The following UGGT2 variants were observed in gnomAD, a reference collection of about 807,000 sequenced individuals.
UGGT2 encodes UDP-glucose:glycoprotein glucosyltransferase 2.
UGGT2 carries 180 observed loss-of-function variants against 192.1 expected under a neutral mutation model. The ratio of observed to expected loss-of-function variants is 0.94; its 90% confidence interval spans 0.83 to 1.06. The LOEUF is 1.06. Among genes scored for constraint, UGGT2 ranks in the 50% least tolerant of loss-of-function variants. The pLI is 0.00. For missense variants in UGGT2, 1,849 were observed against 1,795.7 expected (o/e 1.03, Z -0.54); for synonymous variants, 580 against 591.0 (o/e 0.98, Z 0.27).
At chr13:95,928,641 G>T (rs1421048924) in intron 17 of UGGT2, among the ~76,000 whole-genome samples, 1 of 152,084 alleles carries the variant, frequency 6.6e-6, no homozygotes, top group East Asian at 1.9e-4. Context: ...AAGGTGGGTA[G>T]CCGGGCAGAG....
Position 95,853,617 on chromosome 13 carries a change from C to T in UGGT2, c.4210G>A (p.Gly1404Arg), listed in dbSNP as rs143548603. The T allele has an allele frequency of 1.7e-5, 27 of 1,592,008 alleles. No homozygotes were observed. Among genetic ancestry groups the T allele is most frequent in the Non-Finnish European group, 2.1e-5 (25 of 1,173,858 alleles). Residue 1404 changes from glycine to arginine, a missense_variant, in exon 36 of 39, where the codon GGA becomes AGA. Coordinates refer to ENST00000376747, the MANE Select transcript of UGGT2 (RefSeq NM_020121.4). Reference sequence around the variant, plus strand: ...TGGCTCCTGAGCCTGTCACCTGCTCCAATTCTCCTGAACTTCTTGAGATCC... The same window carrying T: ...TGGCTCCTGAGCCTGTCACCTGCTCTAATTCTCCTGAACTTCTTGAGATCC... ...VVDLKKFRRI[G>R]AGDRLRSQYQ...
Position 95,837,167 on chromosome 13 carries a change from A to G in UGGT2, c.4320T>C (p.Ile1440=). The change falls in exon 37 of 39, where the codon ATT becomes ATC. Residue 1440 remains isoleucine, a synonymous_variant. Coordinates refer to ENST00000376747, the MANE Select transcript of UGGT2 (RefSeq NM_020121.4). The stretch of plus-strand genomic sequence containing the variant: ...ACAGCCAGTCTTGAGGAAGAGACTT[A>G]ATGGCGACTTGGTAAATCATATTAT... ...LPNNMIYQVA[I]KSLPQDWLWC... The G allele has an allele frequency of 6.2e-7, 1 of 1,614,016 alleles. No homozygotes were observed. Among genetic ancestry groups the G allele is most frequent in the Non-Finnish European group, 8.5e-7 (1 of 1,179,936 alleles).
chr13:95,966,957 C>A (rs61972945), intron 12 of UGGT2, among the ~76,000 whole-genome samples: 3,472 of 152,164 alleles, frequency 0.023, 57 homozygotes, highest in Non-Finnish European at 0.034. Context: ...GTCAATAATA[C>A]TCGATTGTGT....
At chr13:96,038,863 T>C (rs1797841223) in intron 1 of UGGT2, among the ~76,000 whole-genome samples, 1 of 152,150 alleles carries the variant, frequency 6.6e-6, no homozygotes, top group Non-Finnish European at 1.5e-5. Context: ...GTAAATATCG[T>C]CAACTTCATT....
chr13:96,025,426 A>G (rs142838339), intron 2 of UGGT2, among the ~76,000 whole-genome samples: 90 of 152,312 alleles, frequency 5.9e-4, no homozygotes, highest in African/African-American at 2.0e-3. Flanking sequence ...GCCAAGGGAA[A>G]TAAGTTCAAA....
Position 96,053,138 on chromosome 13 carries a change from G to A in UGGT2, c.158+17C>T, listed in dbSNP as rs560906917. 5 of 1,485,790 alleles carry A rather than the reference G, an allele frequency of 3.4e-6. No homozygotes were observed. The Admixed American group carries it at 6.5e-5, about 19-fold the overall frequency. The allele number at this position is 1,485,790 out of a possible 1,614,324, so 92.0% of individuals were successfully genotyped here. On this transcript the variant is annotated intron_variant, in intron 1 of 38. Transcript: ENST00000376747. The stretch of plus-strand genomic sequence containing the variant: ...CGCGCCCACACCCGCCCGGACGAGG[G>A]CCCGGCCCGCACCCACCTTGCCTCC...
chr13:95,854,283 T>A (rs1218873378), intron 35 of UGGT2, 32 bp downstream of exon 35: 2 of 1,578,666 alleles, frequency 1.3e-6, no homozygotes, highest in Non-Finnish European at 1.7e-6. Context: ...CATTACTTAT[T>A]TACTAAATGG....
At chr13:95,809,015 C>A (rs1452403281) in intron 38 of UGGT2, among the ~76,000 whole-genome samples, 1 of 152,130 alleles carries the variant, frequency 6.6e-6, no homozygotes, top group African/African-American at 2.4e-5. Flanking sequence ...TAAAAACTAA[C>A]CCCCCATCTA....
chr13:95,873,415 G>C lies in UGGT2; in HGVS notation c.3473+3864C>G, dbSNP rs371802521. On this transcript the variant is annotated intron_variant, in intron 29 of 38. Transcript: ENST00000376747. ...GGGAATGACACAGCAAGGTAGCATA[G>C]GTTGCTGCATAGGCATTAGAACATA... Among the ~76,000 whole-genome samples the C allele has an allele frequency of 3.3e-5, 5 of 152,208 alleles. No homozygotes were observed. In the East Asian group the frequency reaches 9.6e-4, roughly 29 times the overall value.
chr13:95,986,706 C>T (rs1297794232), intron 8 of UGGT2, among the ~76,000 whole-genome samples: 1 of 151,972 alleles, frequency 6.6e-6, no homozygotes, highest in African/African-American at 2.4e-5. Flanking sequence ...AAGAAATGCT[C>T]TCGCAAAGCT....
chr13:95,888,045 A>G (rs988746714), intron 25 of UGGT2, 74 bp from the exon 26 acceptor site: 9 of 1,002,882 alleles, frequency 9.0e-6, no homozygotes, highest in Non-Finnish European at 1.3e-5. Context: ...TTTACTATGT[A>G]CCAGGTACTA....
intron 28 of UGGT2, 133 bp from the exon 29 acceptor site, chr13:95,877,497 T>C: frequency 1.0e-6 from 1 of 970,932 alleles, no homozygotes; most frequent in Non-Finnish European, 1.5e-6. Flanking sequence ...CAATTCCAAG[T>C]AAAGAGATTT....
chr13:95,902,744 C>T (rs946282216), intron 21 of UGGT2, 110 bp downstream of exon 21: 4 of 1,063,734 alleles, frequency 3.8e-6, no homozygotes, highest in South Asian at 1.6e-5. Flanking sequence ...TGTTTATTAT[C>T]TTCATTTGTT....
intron 4 of UGGT2, among the ~76,000 whole-genome samples, chr13:96,014,232 A>C (rs141276058): frequency 1.9e-3 from 293 of 152,342 alleles, no homozygotes; most frequent in Non-Finnish European, 1.8e-3. Flanking sequence ...CAGAGTAACA[A>C]GGATGTTGAG....
At chr13:95,968,256 A>T (rs1371618987) in intron 12 of UGGT2, among the ~76,000 whole-genome samples, 1 of 152,180 alleles carries the variant, frequency 6.6e-6, no homozygotes, top group African/African-American at 2.4e-5. Flanking sequence ...AAGAGAAAAA[A>T]TGAAAAAATT....
At chr13:95,950,329 G>T (rs1268111634) in intron 12 of UGGT2, among the ~76,000 whole-genome samples, 2 of 152,064 alleles carry the variant, frequency 1.3e-5, no homozygotes, top group African/African-American at 4.8e-5. Flanking sequence ...AGAGACCAAA[G>T]TCCAAGTACT....
intron 1 of UGGT2, among the ~76,000 whole-genome samples, chr13:96,047,007 A>G (rs1263011969): frequency 6.6e-6 from 1 of 152,210 alleles, no homozygotes; most frequent in African/African-American, 2.4e-5. Flanking sequence ...CAGCTCCAGG[A>G]GGCCTGCCTG....
chr13:96,015,465 A>G (rs779402923), intron 4 of UGGT2, among the ~76,000 whole-genome samples: 8 of 152,136 alleles, frequency 5.3e-5, no homozygotes, highest in Non-Finnish European at 1.2e-4. Context: ...ACCTATAGAC[A>G]CATAACTTTC....
chr13:96,052,863 G>A (rs2053525901), intron 1 of UGGT2, among the ~76,000 whole-genome samples: 2 of 152,242 alleles, frequency 1.3e-5, no homozygotes, highest in Admixed American at 1.3e-4. Flanking sequence ...CTTGCGTTAA[G>A]TGCCACGCGT....
Sources: gnomAD v4.1 joint callset for allele counts (sites outside exome capture counted in the v4.1 genomes callset) on GRCh38, gnomAD v4.1.1 for gene constraint, MANE v1.5 for transcripts, NCBI Gene and HGNC (gene_info 2026-07-23, HGNC 2026-07-21) for gene names.